The following ASXL3 variants were observed in gnomAD, a reference collection of about 807,000 sequenced individuals.
ASXL3 encodes putative Polycomb group protein ASXL3.
In ASXL3, 34 loss-of-function variants were observed where a neutral mutation model predicts 170.6. The observed-to-expected ratio is 0.20, with a 90% confidence interval of 0.15 to 0.27. The LOEUF (loss-of-function observed/expected upper bound fraction) is 0.27. ASXL3 is among the 10% of genes least tolerant of loss of function. The pLI, the probability that ASXL3 is intolerant of heterozygous loss-of-function variation, is 1.00. For synonymous variants in ASXL3, 1,002 were observed against 989.1 expected (o/e 1.01, Z -0.24); for missense variants, 2,592 against 2,695.3 (o/e 0.96, Z 0.85).
chr18:33,705,815 A>G (rs1322806053), intron 8 of ASXL3, among the ~76,000 whole-genome samples: 1 of 151,950 alleles, frequency 6.6e-6, no homozygotes, highest in Non-Finnish European at 1.5e-5. Context: ...GATTTTTTCT[A>G]AAATGGTAGC....
Position 33,744,111 on chromosome 18 carries a change from G to T in ASXL3, c.4263G>T (p.Leu1421=), listed in dbSNP as rs769358334. 1 of 1,613,884 alleles carries T rather than the reference G, an allele frequency of 6.2e-7. No homozygotes were observed. Among genetic ancestry groups the T allele is most frequent in the African/African-American group, 1.3e-5 (1 of 74,924 alleles). Residue 1421 remains leucine (L), a synonymous_variant, in exon 12 of 12, where the codon CTG becomes CTT. Coordinates refer to ENST00000269197, the MANE Select transcript of ASXL3 (RefSeq NM_030632.3). ...TCGCAATGTTTACTGGAAACATGCTGACAATAAACTCTTATGATAGTCCTC... is the reference window on the plus strand; with the variant it reads ...TCGCAATGTTTACTGGAAACATGCTTACAATAAACTCTTATGATAGTCCTC... ...PTVAMFTGNM[L]TINSYDSPPK...
chr18:33,616,446 G>A (rs984475689), intron 2 of ASXL3, among the ~76,000 whole-genome samples: 4 of 151,420 alleles, frequency 2.6e-5, no homozygotes, highest in Admixed American at 2.0e-4. Flanking sequence ...GCATGCATAG[G>A]CACTCACATT....
chr18:33,684,992 A>G (rs1406605015), intron 8 of ASXL3, among the ~76,000 whole-genome samples: 1 of 152,164 alleles, frequency 6.6e-6, no homozygotes, highest in Non-Finnish European at 1.5e-5. Flanking sequence ...TTTTGGAAGG[A>G]CAGATTGGAA....
At chr18:33,654,921 T>A (rs1187814418) in intron 4 of ASXL3, among the ~76,000 whole-genome samples, 2 of 152,074 alleles carry the variant, frequency 1.3e-5, no homozygotes, top group African/African-American at 4.8e-5. Flanking sequence ...CCAGAGATAA[T>A]AGTATAACTA....
chr18:33,582,788 CAA>C (rs1441251371), intron 1 of ASXL3, among the ~76,000 whole-genome samples: 15 of 150,656 alleles, frequency 1.0e-4, no homozygotes, highest in Non-Finnish European at 7.4e-5. Flanking sequence ...TTTTTAATGA[CAA>C]ATTCACCTCA....
rs899239385 is a variant in ASXL3, at chr18:33,578,300, G to T, written c.-332G>T. ...CGGCCGCGGCGGTGGCGCAGCGCGA[G>T]CCCCGCACGAGCGAGCCCGGCCGGC... is the stretch of plus-strand genomic sequence containing the variant. On this transcript the variant is annotated 5_prime_UTR_variant, in exon 1 of 12. Transcript: ENST00000269197. 6 of 146,708 alleles carry T rather than the reference G, an allele frequency of 4.1e-5. No individual in the cohort carries two copies. Among genetic ancestry groups the T allele is most frequent in the African/African-American group, 1.5e-4 (6 of 40,694 alleles). The allele number at this position is 146,708 out of a possible 1,614,324, so 9.1% of individuals were successfully genotyped here.
At chr18:33,618,061 T>G (rs1313625201) in intron 2 of ASXL3, among the ~76,000 whole-genome samples, 2 of 152,196 alleles carry the variant, frequency 1.3e-5, no homozygotes, top group African/African-American at 2.4e-5. Context: ...ACAGTTGATA[T>G]GCTCACATAG....
chr18:33,736,899 A>G (rs994989047), intron 10 of ASXL3, among the ~76,000 whole-genome samples: 2 of 152,168 alleles, frequency 1.3e-5, no homozygotes, highest in African/African-American at 2.4e-5. Context: ...TGTTGTACAT[A>G]TACACTTACC....
At chr18:33,632,481 A>G (rs988304038) in intron 2 of ASXL3, among the ~76,000 whole-genome samples, 2 of 152,158 alleles carry the variant, frequency 1.3e-5, no homozygotes, top group African/African-American at 4.8e-5. Context: ...ATACTGTTAA[A>G]TCACTGAGTC....
At chr18:33,702,910 C>T (rs905995092) in intron 8 of ASXL3, among the ~76,000 whole-genome samples, 4 of 152,112 alleles carry the variant, frequency 2.6e-5, no homozygotes, top group Admixed American at 1.3e-4. Context: ...TTTGATATCA[C>T]ACCCAGACCT....
chr18:33,660,518 C>G (rs970579864), intron 4 of ASXL3, among the ~76,000 whole-genome samples: 1 of 152,110 alleles, frequency 6.6e-6, no homozygotes, highest in Non-Finnish European at 1.5e-5. Context: ...AGAACCCTCT[C>G]AAGTTACCAT....
chr18:33,600,943 T>C (rs1396629396), intron 1 of ASXL3, among the ~76,000 whole-genome samples: 5 of 152,162 alleles, frequency 3.3e-5, no homozygotes, highest in Non-Finnish European at 7.3e-5. Flanking sequence ...CTGTTGATAT[T>C]CTATATTTTT....
intron 8 of ASXL3, among the ~76,000 whole-genome samples, chr18:33,698,429 A>G (rs2066811268): frequency 1.3e-5 from 2 of 152,074 alleles, no homozygotes; most frequent in Non-Finnish European, 2.9e-5. Flanking sequence ...TCCATTTTGG[A>G]CGTGTTGGAT....
chr18:33,670,387 C>T (rs1599471987), intron 5 of ASXL3, among the ~76,000 whole-genome samples: 2 of 152,202 alleles, frequency 1.3e-5, no homozygotes, highest in African/African-American at 4.8e-5. Context: ...CATGGACTCT[C>T]AAGCCACAGT....
chr18:33,582,082 T>A (rs1266517349), intron 1 of ASXL3, among the ~76,000 whole-genome samples: 1 of 152,196 alleles, frequency 6.6e-6, no homozygotes, highest in Non-Finnish European at 1.5e-5. Flanking sequence ...TGCATTTTCA[T>A]CTGTTTTATC....
At chr18:33,581,472 A>AGTGTGTGTGTGTGT (rs150752638) in intron 1 of ASXL3, among the ~76,000 whole-genome samples, 1,873 of 145,276 alleles carry the variant, frequency 0.013, 24 homozygotes, top group African/African-American at 0.032. Flanking sequence ...TGCTGGAGTG[A>AGTGTGTGTGTGTGT]GTGTGTGTGT....
At chr18:33,683,599 G>A (rs749956450) in intron 8 of ASXL3, 31 bp downstream of exon 8, 1 of 1,577,616 alleles carries the variant, frequency 6.3e-7, no homozygotes, top group Admixed American at 1.7e-5. Flanking sequence ...TTTGATACCA[G>A]CCACTAGTTA....
At position 33,669,276 on chromosome 18, in the gene ASXL3, A is replaced by C. The variant is rs768885589; in HGVS notation, c.478-1397A>C. ...TATGTCCTCATTAAATATATTAATA[A>C]CAGCAGGCTAAAGGTGAGAAGGATG... is the stretch of plus-strand genomic sequence containing the variant. On this transcript the variant is annotated intron_variant, in intron 5 of 11. Transcript: ENST00000269197. 3.6e-4 allele frequency among the ~76,000 whole-genome samples: 55 copies of C among 152,192 alleles called. 1 individual carries two copies. Among genetic ancestry groups the C allele is most frequent in the Non-Finnish European group, 6.3e-4 (43 of 68,020 alleles).
At chr18:33,680,014 CTTCT>C (rs1271461205) in intron 7 of ASXL3, among the ~76,000 whole-genome samples, 2 of 151,530 alleles carry the variant, frequency 1.3e-5, no homozygotes, top group African/African-American at 2.4e-5. Flanking sequence ...CTCATCTTTC[CTTCT>C]TTCTTATTAT....
Sources: allele counts gnomAD v4.1 joint callset (sites outside exome capture counted in the v4.1 genomes callset), GRCh38; gene constraint gnomAD v4.1.1; transcripts MANE v1.5; gene names NCBI Gene and HGNC (gene_info 2026-07-23, HGNC 2026-07-21).